The following ZNF180 variants were observed in gnomAD, a reference collection of about 807,000 sequenced individuals.
ZNF180 encodes zinc finger protein 180.
ZNF180 carries 11 observed loss-of-function variants against 11.8 expected under a neutral mutation model. The observed-to-expected ratio is 0.93, with a 90% CI of 0.59 to 1.55. ZNF180 has a LOEUF of 1.55. Among genes scored for constraint, ZNF180 ranks in the 40% most tolerant of loss-of-function variants. The probability of loss-of-function intolerance (pLI) is 0.00; values close to 1 mark genes in which losing one functional copy is unlikely to be tolerated. For missense variants in ZNF180, 773 were observed against 781.7 expected, an observed-to-expected ratio of 0.99 and a Z score of 0.13; for synonymous variants, 287 against 257.7, an observed-to-expected ratio of 1.11 and a Z score of -1.09.
At chr19:44,484,338 G>A in intron 3 of ZNF180, 23 bp downstream of exon 3, 1 of 1,585,628 alleles carries the variant, frequency 6.3e-7, no homozygotes, top group South Asian at 1.1e-5. Context: ...TCAGTGTAAA[G>A]ACAGAGGCCT....
In ZNF180 at chr19:44,476,946, T is replaced by C. The variant is rs756515302; in HGVS notation, c.1454A>G (p.Gln485Arg). Reference protein sequence around the residue: ...FSQSYKLVAHQRTHTGEKPFE... With the variant: ...FSQSYKLVAHRRTHTGEKPFE... The stretch of plus-strand genomic sequence containing the variant: ...GGGTTTTTCTCCTGTGTGAGTTCTC[T>C]GATGAGCAACAAGTTTATAACTTTG... Residue 485 changes from glutamine to arginine, a missense_variant, in exon 5 of 5, where the codon CAG (glutamine) becomes CGG (arginine). Gln to Arg is a conservative substitution (Grantham distance 43). Coordinates refer to ENST00000592529, the MANE Select transcript of ZNF180 (RefSeq NM_001278509.3). The C allele has an allele frequency of 6.2e-7, 1 of 1,614,094 alleles. No individual in the cohort carries two copies. Among genetic ancestry groups the C allele is most frequent in the Admixed American group, 1.7e-5 (1 of 60,010 alleles).
chr19:44,479,465 T>C, intron 3 of ZNF180, 56 bp from the exon 4 acceptor site: 2 of 1,605,114 alleles, frequency 1.2e-6, no homozygotes, highest in African/African-American at 1.4e-5. Flanking sequence ...CCAAAGTTCA[T>C]GGAGGAGGAA....
At chr19:44,488,397 C>T (rs1169273282) in intron 2 of ZNF180, among the ~76,000 whole-genome samples, 3 of 151,470 alleles carry the variant, frequency 2.0e-5, no homozygotes, top group Non-Finnish European at 2.9e-5. Flanking sequence ...GCCGAGTGCC[C>T]GCGATTGCAG....
Position 44,477,664 on chromosome 19 carries a change from A to C in ZNF180, c.736T>G (p.Tyr246Asp). 6.2e-7 allele frequency: 1 copy of C among 1,613,942 alleles called. No individual in the cohort carries two copies. Among genetic ancestry groups the C allele is most frequent in the Non-Finnish European group, 8.5e-7 (1 of 1,179,880 alleles). Residue 246 changes from tyrosine (Y) to aspartate (D), a missense_variant, in exon 5 of 5, where the codon TAT becomes GAT. By Grantham distance (160) the Tyr-to-Asp change is radical (BLOSUM62 -3). Transcript: ENST00000592529. ...GATTGAATACGGTCACTAAATCCAT[A>C]GGATTTATCTTTTGTTTGAGTTCTT... ...FTRTQTKDKS[Y>D]GFSDRIQSFC... is the part of the protein sequence containing the mutation.
intron 2 of ZNF180, among the ~76,000 whole-genome samples, chr19:44,485,716 T>A (rs1970211939): frequency 6.6e-6 from 1 of 152,184 alleles, no homozygotes; most frequent in African/African-American, 2.4e-5. Flanking sequence ...TATTTTGAAA[T>A]CCTTAAAGAT....
chr19:44,499,257 C>T (rs1183695756), intron 1 of ZNF180, among the ~76,000 whole-genome samples: 2 of 152,192 alleles, frequency 1.3e-5, no homozygotes, highest in Non-Finnish European at 2.9e-5. Flanking sequence ...CCAATCATGA[C>T]GGCCTGGGTG....
intron 2 of ZNF180, among the ~76,000 whole-genome samples, chr19:44,489,697 C>A: frequency 7.7e-6 from 1 of 130,702 alleles, no homozygotes; most frequent in Non-Finnish European, 1.6e-5. Flanking sequence ...ATGACCCTGC[C>A]AAATCCCCCT....
Position 44,500,317 on chromosome 19 carries a change from G to T in ZNF180, c.-86C>A. ...CGCAGCCCAGGCTGGGCCTGTCACC[G>T]CCTCAGTGCCTAGCACGGCTCTGCG... On this transcript the variant is annotated 5_prime_UTR_variant, in exon 1 of 5. Transcript: ENST00000592529. 2 of 1,572,980 alleles carry T rather than the reference G, an allele frequency of 1.3e-6. No individual in the cohort carries two copies. Among genetic ancestry groups the T allele is most frequent in the Non-Finnish European group, 1.7e-6 (2 of 1,147,344 alleles).
At chr19:44,479,190 C>G in intron 4 of ZNF180, 93 bp downstream of exon 4, 1 of 1,469,802 alleles carries the variant, frequency 6.8e-7, no homozygotes, top group Non-Finnish European at 9.2e-7. Context: ...CAGCCAAAAT[C>G]ATTCTGGCTG....
At position 44,500,424 on chromosome 19, in the gene ZNF180, T is replaced by TC. The variant is rs759045840; in HGVS notation, c.-194dup. 4.5e-5 allele frequency: 30 copies of TC among 668,386 alleles called. No individual in the cohort carries two copies. Among genetic ancestry groups the TC allele is most frequent in the Non-Finnish European group, 6.9e-5 (27 of 391,614 alleles). 41.4% of individuals were successfully genotyped at this position (668,386 alleles called of 1,614,324 possible). A position where few individuals can be genotyped will look rare whatever the true frequency, so the allele number is the denominator to read the frequency against. On this transcript the variant is annotated 5_prime_UTR_variant, in exon 1 of 5. The change creates a premature stop within an existing upstream ORF in the 5' untranslated region. Transcript: ENST00000592529. ...CGGGTTAAGCTAGTTCGGTCCCCTC[T>TC]CCTAGTCAGCATCCGCAAGGCCGCT...
At chr19:44,498,359 T>C (rs943487780) in intron 1 of ZNF180, among the ~76,000 whole-genome samples, 3 of 152,008 alleles carry the variant, frequency 2.0e-5, no homozygotes, top group African/African-American at 7.3e-5. Context: ...TCCCACTTAC[T>C]CTCTCCCCTG....
chr19:44,480,988 T>C (rs1363715687), intron 3 of ZNF180, among the ~76,000 whole-genome samples: 2 of 152,164 alleles, frequency 1.3e-5, no homozygotes, highest in Admixed American at 1.3e-4. Flanking sequence ...TCTGTTTCTA[T>C]CCATATCCAG....
chr19:44,493,406 G>A (rs1465779624), intron 2 of ZNF180, among the ~76,000 whole-genome samples: 1 of 152,182 alleles, frequency 6.6e-6, no homozygotes, highest in Non-Finnish European at 1.5e-5. Flanking sequence ...TGGACTCGTG[G>A]CCTTCGTTCA....
chr19:44,483,330 G>A (rs545780708), intron 3 of ZNF180, among the ~76,000 whole-genome samples: 1 of 152,072 alleles, frequency 6.6e-6, no homozygotes, highest in African/African-American at 2.4e-5. Context: ...TTGACCTTTG[G>A]AGTGTCCACT....
chr19:44,478,116 G>T lies in ZNF180; in HGVS notation c.284C>A (p.Ser95Ter). 1 of 1,576,572 alleles carries T rather than the reference G, an allele frequency of 6.3e-7. No individual in the cohort carries two copies. The highest frequency in any genetic ancestry group is 8.6e-7 in the Non-Finnish European group (1 of 1,159,712). The change falls in exon 5 of 5, where the codon TCA (serine) becomes TAA (stop). Residue 95 changes from serine (S) to a stop codon, truncating the protein, a stop_gained. Coordinates refer to ENST00000592529, the MANE Select transcript of ZNF180 (RefSeq NM_001278509.3). LOFTEE classifies it low-confidence loss of function (END_TRUNC). ...ATCAAAAATCCTCTGCTTTGAAGTT[G>T]AATCTTTTTTTCCAACTGCAGTTGC... is the stretch of plus-strand genomic sequence containing the variant. ...DLATAVGKKDSTSKQRIFDEE... is the reference protein window; with the variant it reads ...DLATAVGKKD
rs762016688 is a variant in ZNF180, at chr19:44,479,339, T to C, written c.197A>G (p.Gln66Arg). 3 of 1,614,102 alleles carry C rather than the reference T, an allele frequency of 1.9e-6. No individual in the cohort carries two copies. The highest frequency in any genetic ancestry group is 2.2e-5 in the South Asian group (2 of 91,076). ...REEQGTCNPA[Q>R]RTLDRDVILE... The stretch of plus-strand genomic sequence containing the variant: ...GATCACATCTCTGTCCAGGGTCCTC[T>C]GAGCAGGGTTGCAAGTACCCTGTTC... The change falls in exon 4 of 5, where the codon CAG (glutamine) becomes CGG (arginine). Residue 66 changes from glutamine to arginine, a missense_variant. Gln to Arg is a conservative substitution (Grantham distance 43). Transcript: ENST00000592529.
chr19:44,488,612 T>C (rs916413763), intron 2 of ZNF180, among the ~76,000 whole-genome samples: 9 of 152,012 alleles, frequency 5.9e-5, no homozygotes, highest in Non-Finnish European at 1.5e-5. Flanking sequence ...CTCGGCTCGC[T>C]ACAACCTCCA....
chr19:44,477,147 G>A lies in ZNF180; in HGVS notation c.1253C>T (p.Ser418Leu). The A allele has an allele frequency of 6.2e-7, 1 of 1,613,158 alleles. No individual in the cohort carries two copies. Among genetic ancestry groups the A allele is most frequent in the Non-Finnish European group, 8.5e-7 (1 of 1,179,228 alleles). The change falls in exon 5 of 5, where the codon TCA (serine) becomes TTA (leucine). Residue 418 changes from serine (S) to leucine (L), a missense_variant. Coordinates refer to ENST00000592529, the MANE Select transcript of ZNF180 (RefSeq NM_001278509.3). The part of the protein sequence containing the change: ...KPYECNQCGK[S>L]FRQSYKLIAH... ...AATAAGTTTATAGCTCTGCCTGAAT[G>A]ACTTTCCACACTGATTGCATTCATA...
intron 1 of ZNF180, among the ~76,000 whole-genome samples, 155 bp from the exon 2 acceptor site, chr19:44,497,532 G>C (rs1970622592): frequency 6.6e-6 from 1 of 152,038 alleles, no homozygotes; most frequent in Admixed American, 6.5e-5. Flanking sequence ...AAATACCTGT[G>C]TATGTACTGA....
Sources: allele counts gnomAD v4.1 joint callset (sites outside exome capture counted in the v4.1 genomes callset), GRCh38; gene constraint gnomAD v4.1.1; transcripts MANE v1.5; gene names NCBI Gene and HGNC (gene_info 2026-07-23, HGNC 2026-07-21).